PSKH2: variants seen among roughly 807,000 people sequenced by gnomAD.
PSKH2 encodes the protein protein serine kinase H2.
In PSKH2, 16 loss-of-function variants were observed where a neutral mutation model predicts 22.5. The ratio of observed to expected loss-of-function variants is 0.71; its 90% CI spans 0.48 to 1.08. The LOEUF is 1.08. PSKH2 is among the 50% of genes least tolerant of loss of function. The pLI is 0.00. For missense variants in PSKH2, 516 were observed against 492.8 expected (o/e 1.05, Z -0.44); for synonymous variants, 188 against 184.8 (o/e 1.02, Z -0.14).
intron 2 of PSKH2, among the ~76,000 whole-genome samples, chr8:86,057,065 C>T (rs1423596281): frequency 6.6e-6 from 1 of 151,732 alleles, no homozygotes; most frequent in East Asian, 1.9e-4. Flanking sequence ...ACTATAGGCA[C>T]ATGTCACCAT....
rs1213644269 is a variant in PSKH2, at chr8:86,047,816, G to C, written c.*646C>G. The stretch of plus-strand genomic sequence containing the variant: ...ATGTTTATATTTTTTTGTAAACCCT[G>C]GTGGTTGATGAATGCTAACATTAGA... On this transcript the variant is annotated 3_prime_UTR_variant, in exon 3 of 3. Transcript: ENST00000276616. Among the ~76,000 whole-genome samples the C allele has an allele frequency of 1.3e-5, 2 of 149,732 alleles. No homozygotes were observed. The highest frequency in any genetic ancestry group is 3.0e-5 in the Non-Finnish European group (2 of 67,542).
rs549742705 is a variant in PSKH2 at position 86,048,191 on chromosome 8, C to A, written c.*271G>T. ...CTATAGTATTGTATTTTATTTAATC[C>A]ATTACATACTTTAAAGATTTTCTTA... On this transcript the variant is annotated 3_prime_UTR_variant, in exon 3 of 3. Coordinates refer to ENST00000276616, the MANE Select transcript of PSKH2 (RefSeq NM_033126.3). Among the ~76,000 whole-genome samples, 1 of 152,152 alleles carries A rather than the reference C, an allele frequency of 6.6e-6. No homozygotes were observed. Among genetic ancestry groups the A allele is most frequent in the Non-Finnish European group, 1.5e-5 (1 of 68,000 alleles).
intron 1 of PSKH2, among the ~76,000 whole-genome samples, chr8:86,065,628 T>G (rs1208706112): frequency 2.6e-5 from 4 of 152,180 alleles, no homozygotes; most frequent in Non-Finnish European, 4.4e-5. Flanking sequence ...AGCTCAGATT[T>G]CAAATGCTAG....
chr8:86,051,277 C>G (rs11990833), intron 2 of PSKH2, among the ~76,000 whole-genome samples: 70,257 of 151,772 alleles, frequency 0.46, 16,530 homozygotes, highest in Middle Eastern at 0.49. Flanking sequence ...TTGTAGAAAC[C>G]GGGTTTCGCC....
chr8:86,049,737 A>AC (rs1554583211), intron 2 of PSKH2, among the ~76,000 whole-genome samples: 1,682 of 43,834 alleles, frequency 0.038, 21 homozygotes, highest in South Asian at 0.076. Context: ...AAAGAAAGAA[A>AC]GAAAGAAAGA....
rs764778359 is a variant in PSKH2 at position 86,048,627 on chromosome 8, A to C, written c.993T>G (p.Asn331Lys). 1 of 1,614,110 alleles carries C rather than the reference A, an allele frequency of 6.2e-7. No individual in the cohort carries two copies. The highest frequency in any genetic ancestry group is 8.5e-7 in the Non-Finnish European group (1 of 1,180,018). ...ITMAAGSSMKNLQRAISRNLM... is the reference protein window; with the variant it reads ...ITMAAGSSMKKLQRAISRNLM... ...GGTTTCGGGATATGGCCCTCTGGAG[A>C]TTCTTCATGGAAGACCCTGCAGCCA... Residue 331 changes from asparagine (N) to lysine (K), a missense_variant, in exon 3 of 3, where the codon AAT becomes AAG. Coordinates refer to ENST00000276616, the MANE Select transcript of PSKH2 (RefSeq NM_033126.3).
chr8:86,051,110 G>A (rs1349698624), intron 2 of PSKH2, among the ~76,000 whole-genome samples: 1 of 150,826 alleles, frequency 6.6e-6, no homozygotes, highest in Non-Finnish European at 1.5e-5. Flanking sequence ...GTGTTGCCCA[G>A]GCTGGAGTGC....
At chr8:86,069,708 G>T, upstream of PSKH2, 1 of 1,378,150 alleles carries the variant, frequency 7.3e-7, no homozygotes, top group Non-Finnish European at 9.4e-7. Context: ...AAGAGCAGCT[G>T]CGAGGGGCGG....
Position 86,064,410 on chromosome 8 carries a change from A to C in PSKH2, c.407T>G (p.Val136Gly). The change falls in exon 2 of 3, where the codon GTA (valine) becomes GGA (glycine). Residue 136 changes from valine (V) to glycine (G), a missense_variant. Val to Gly is a moderately radical substitution (Grantham distance 109). Coordinates refer to ENST00000276616, the MANE Select transcript of PSKH2 (RefSeq NM_033126.3). ...CTCCCCTCCGGTAGCCAGCTCCATT[A>C]CCATGTAAACTTGATCCTCAGTCTC... ...IFETEDQVYM[V>G]MELATGGELF... 1 of 1,614,186 alleles carries C rather than the reference A, an allele frequency of 6.2e-7. No individual in the cohort carries two copies. The highest frequency in any genetic ancestry group is 8.5e-7 in the Non-Finnish European group (1 of 1,180,036).
Position 86,064,357 on chromosome 8 carries a change from A to G in PSKH2, c.460T>C (p.Ser154Pro). The change falls in exon 2 of 3, where the codon TCC (serine) becomes CCC (proline). Residue 154 changes from serine (S) to proline (P), a missense_variant. Coordinates refer to ENST00000276616, the MANE Select transcript of PSKH2 (RefSeq NM_033126.3). The stretch of plus-strand genomic sequence containing the variant: ...CTGACGGCATCCCGCTCTGTAAAGG[A>G]TCCCTGAGCAATGAGTCGATCAAAG... ...ELFDRLIAQG[S>P]FTERDAVRIL... The G allele has an allele frequency of 1.9e-6, 3 of 1,614,138 alleles. No individual in the cohort carries two copies. Among genetic ancestry groups the G allele is most frequent in the Non-Finnish European group, 1.7e-6 (2 of 1,180,018 alleles).
At chr8:86,053,882 C>G (rs904574925) in intron 2 of PSKH2, among the ~76,000 whole-genome samples, 1 of 152,002 alleles carries the variant, frequency 6.6e-6, no homozygotes, top group Admixed American at 6.6e-5. Context: ...TCTCTACATA[C>G]AAAAATTAGC....
chr8:86,057,176 A>G (rs1443435194), intron 2 of PSKH2, among the ~76,000 whole-genome samples: 3 of 151,756 alleles, frequency 2.0e-5, no homozygotes, highest in Admixed American at 1.3e-4. Flanking sequence ...CTCCCACTTC[A>G]GCCTCCCAAA....
intron 1 of PSKH2, among the ~76,000 whole-genome samples, chr8:86,064,966 G>A (rs1817837811): frequency 6.6e-6 from 1 of 151,948 alleles, no homozygotes; most frequent in Admixed American, 6.6e-5. Flanking sequence ...TTTCAAATAA[G>A]GAAATTCAGA....
At chr8:86,051,805 C>T (rs1277125792) in intron 2 of PSKH2, among the ~76,000 whole-genome samples, 1 of 152,100 alleles carries the variant, frequency 6.6e-6, no homozygotes, top group Non-Finnish European at 1.5e-5. Flanking sequence ...AATGATTGTA[C>T]GTTTAAAATG....
Position 86,048,293 on chromosome 8 carries a change from G to T in PSKH2, c.*169C>A. ...TAATCATTTGCAGCAGTATATTTTG[G>T]GAAAATGAATACAGGTATAGGAAAA... On this transcript the variant is annotated 3_prime_UTR_variant, in exon 3 of 3. Coordinates refer to ENST00000276616, the MANE Select transcript of PSKH2 (RefSeq NM_033126.3). 1.8e-6 allele frequency: 1 copy of T among 544,118 alleles called. No homozygotes were observed. The highest frequency in any genetic ancestry group is 2.9e-5 in the East Asian group (1 of 34,978). The allele number at this position is 544,118 out of a possible 1,614,324, so 33.7% of individuals were successfully genotyped here. A position where few individuals can be genotyped will look rare whatever the true frequency, so the allele number is the denominator to read the frequency against.
At chr8:86,068,467 T>G (rs1817895522) in intron 1 of PSKH2, among the ~76,000 whole-genome samples, 1 of 152,212 alleles carries the variant, frequency 6.6e-6, no homozygotes, top group Non-Finnish European at 1.5e-5. Flanking sequence ...AAAACAATAA[T>G]CAGCATTGCA....
Position 86,064,365 on chromosome 8 carries a change from G to C in PSKH2, c.452C>G (p.Ala151Gly), listed in dbSNP as rs1255052120. Residue 151 changes from alanine (A) to glycine (G), a missense_variant, in exon 2 of 3, where the codon GCT becomes GGT. Physicochemically the swap from Ala to Gly is moderately conservative, Grantham distance 60. Transcript: ENST00000276616. ...TGGELFDRLI[A>G]QGSFTERDAV... is the part of the protein sequence containing the mutation. Reference sequence around the variant, plus strand: ...ATCCCGCTCTGTAAAGGATCCCTGAGCAATGAGTCGATCAAAGAGCTCCCC... The same window carrying C: ...ATCCCGCTCTGTAAAGGATCCCTGACCAATGAGTCGATCAAAGAGCTCCCC... 6.2e-7 allele frequency: 1 copy of C among 1,614,020 alleles called. No individual in the cohort carries two copies. The highest frequency in any genetic ancestry group is 8.5e-7 in the Non-Finnish European group (1 of 1,180,032).
Position 86,048,683 on chromosome 8 carries a change from G to A in PSKH2, c.937C>T (p.Gln313Ter), listed in dbSNP as rs1032477259. Residue 313 changes from glutamine to a stop codon, truncating the protein, a stop_gained, in exon 3 of 3, where the codon CAG (glutamine) becomes TAG (stop). Coordinates refer to ENST00000276616, the MANE Select transcript of PSKH2 (RefSeq NM_033126.3). LOFTEE classifies it low-confidence loss of function (END_TRUNC). The stretch of plus-strand genomic sequence containing the variant: ...ATCACCCAGGGATGGTCCAGGGCCT[G>A]GCCAGCTGACATGCGATGACCAGCC... ...LEAGHRMSAG[Q>*]ALDHPWVITM... is the part of the protein sequence containing the mutation. The A allele has an allele frequency of 1.2e-6, 2 of 1,614,112 alleles. No individual in the cohort carries two copies. The highest frequency in any genetic ancestry group is 1.7e-6 in the Non-Finnish European group (2 of 1,180,016).
intron 2 of PSKH2, among the ~76,000 whole-genome samples, chr8:86,062,970 AT>A (rs1817800670): frequency 6.6e-6 from 1 of 152,150 alleles, no homozygotes; most frequent in South Asian, 2.1e-4. Flanking sequence ...GTTCATTTGC[AT>A]TTCTTTGGTC....
Sources: gnomAD v4.1 joint callset for allele counts (sites outside exome capture counted in the v4.1 genomes callset) on GRCh38, gnomAD v4.1.1 for gene constraint, MANE v1.5 for transcripts, NCBI Gene and HGNC (gene_info 2026-07-23, HGNC 2026-07-21) for gene names.